FKBP9: variants seen among roughly 807,000 people sequenced by gnomAD.
FKBP9 encodes FKBP prolyl isomerase 9.
A neutral mutation model predicts 55.6 loss-of-function variants in FKBP9; 27 were observed. The observed-to-expected ratio is 0.49, with a 90% CI of 0.36 to 0.67. FKBP9 has a LOEUF of 0.67. FKBP9 is among the 30% of genes least tolerant of loss of function. FKBP9 has a pLI of 0.00. For missense variants in FKBP9, 539 were observed against 742.8 expected (o/e 0.73, Z 3.19); for synonymous variants, 267 against 296.5 (o/e 0.90, Z 1.02).
Position 32,976,481 on chromosome 7 carries a change from T to C in FKBP9, c.685T>C (p.Tyr229His). ...CATCACCATTCCTCCTTTTCTGGCC[T>C]ATGGAGAGGATGGAGATGGTAAGTC... ...RIITIPPFLA[Y>H]GEDGDGKDIP... Residue 229 changes from tyrosine to histidine, a missense_variant, in exon 4 of 10, where the codon TAT becomes CAT. Physicochemically the swap from Tyr to His is moderately conservative, Grantham distance 83. This residue lies in a region of FKBP9 where 29 missense variants were observed against 65.3 expected (regional missense o/e 0.44). Transcript: ENST00000242209. 1 of 1,608,972 alleles carries C rather than the reference T, an allele frequency of 6.2e-7. No individual in the cohort carries two copies. The highest frequency in any genetic ancestry group is 1.1e-5 in the South Asian group (1 of 90,392).
intron 7 of FKBP9, among the ~76,000 whole-genome samples, chr7:32,996,864 G>A (rs1162482187): frequency 1.3e-4 from 16 of 125,560 alleles, no homozygotes; most frequent in African/African-American, 5.0e-4. Context: ...GCGCAATCTT[G>A]GCTCACTGCA....
At position 32,977,324 on chromosome 7, in the gene FKBP9, T is replaced by C. The variant is rs1784379742; in HGVS notation, c.703+825T>C. Among the ~76,000 whole-genome samples, 3 of 152,316 alleles carry C rather than the reference T, an allele frequency of 2.0e-5. No homozygotes were observed. In the South Asian group the frequency reaches 6.2e-4, roughly 32 times the overall value. ...ATGGGGATATGTTCTGAGAAAGGCA[T>C]CATTAGGCAATTGCATTGTTGTGCA... On this transcript the variant is annotated intron_variant, in intron 4 of 9. Transcript: ENST00000242209.
At chr7:32,978,413 G>A (rs1436287078) in intron 4 of FKBP9, among the ~76,000 whole-genome samples, 2 of 152,028 alleles carry the variant, frequency 1.3e-5, no homozygotes, top group Admixed American at 1.3e-4. Context: ...CTGTCACCCA[G>A]ACTGGAGTGA....
intron 5 of FKBP9, 54 bp downstream of exon 5, chr7:32,980,607 T>G: frequency 6.3e-7 from 1 of 1,582,006 alleles, no homozygotes; most frequent in African/African-American, 1.3e-5. Flanking sequence ...AAATAAAGTC[T>G]GCCATTGGCT....
intron 4 of FKBP9, chr7:32,979,529 G>A (rs1356115279): frequency 7.7e-6 from 12 of 1,550,416 alleles, no homozygotes; most frequent in Middle Eastern, 1.7e-4. Context: ...CAGGCTTGGC[G>A]GCATCTGGTT....
chr7:32,979,695 A>G lies in FKBP9; in HGVS notation c.704-669A>G, dbSNP rs549930679. The G allele has an allele frequency of 1.3e-4, 107 of 801,768 alleles. 2 individuals are homozygous for G. In the South Asian group the frequency reaches 1.5e-3, roughly 11 times the overall value. 49.7% of individuals were successfully genotyped at this position (801,768 alleles called of 1,614,324 possible). A position where few individuals can be genotyped will look rare whatever the true frequency, so the allele number is the denominator to read the frequency against. On this transcript the variant is annotated intron_variant, in intron 4 of 9. Coordinates refer to ENST00000242209, the MANE Select transcript of FKBP9 (RefSeq NM_007270.5). Reference sequence around the variant, plus strand: ...TTGCAGGAAGAACTAGTGTCCTGTAATCTCTTCATGTGGATTTCATTTTGC... The same window carrying G: ...TTGCAGGAAGAACTAGTGTCCTGTAGTCTCTTCATGTGGATTTCATTTTGC...
At chr7:32,995,279 A>G (rs2953594) in intron 6 of FKBP9, among the ~76,000 whole-genome samples, 3 of 152,282 alleles carry the variant, frequency 2.0e-5, no homozygotes, top group Middle Eastern at 3.4e-3. Flanking sequence ...GTTTTTTTAT[A>G]TGTAAAATGC....
intron 1 of FKBP9, among the ~76,000 whole-genome samples, chr7:32,961,427 AT>A (rs1217724705): frequency 1.3e-5 from 2 of 152,174 alleles, no homozygotes; most frequent in African/African-American, 4.8e-5. Flanking sequence ...GGGCCTAGGA[AT>A]TTGCTTTTCT....
At chr7:32,959,109 A>G (rs980548919) in intron 1 of FKBP9, among the ~76,000 whole-genome samples, 2 of 152,040 alleles carry the variant, frequency 1.3e-5, no homozygotes, top group Non-Finnish European at 2.9e-5. Context: ...GTTACTTTAA[A>G]AAAAAAAAAC....
intron 9 of FKBP9, among the ~76,000 whole-genome samples, chr7:33,004,244 T>C (rs1384882600): frequency 2.6e-5 from 4 of 152,148 alleles, no homozygotes; most frequent in Non-Finnish European, 5.9e-5. Flanking sequence ...GTGGTGTTCA[T>C]GAAGCTCCTC....
At chr7:32,973,610 C>T (rs1784293784) in intron 1 of FKBP9, among the ~76,000 whole-genome samples, 1 of 136,540 alleles carries the variant, frequency 7.3e-6, no homozygotes, top group African/African-American at 2.9e-5. Context: ...TGTGTGTTAA[C>T]TTTGGCCATT....
chr7:32,992,260 G>T (rs397839693), intron 6 of FKBP9, among the ~76,000 whole-genome samples: 2 of 25,554 alleles, frequency 7.8e-5, no homozygotes, highest in African/African-American at 2.9e-4. Context: ...ACCCACCCCC[G>T]CAGAGGAAAC....
chr7:32,961,857 C>G (rs1784031549), intron 1 of FKBP9, among the ~76,000 whole-genome samples: 3 of 151,910 alleles, frequency 2.0e-5, no homozygotes, highest in Admixed American at 6.6e-5. Context: ...CCCATCACCC[C>G]TAGATGGGAC....
chr7:32,976,734 T>C (rs1233595438), intron 4 of FKBP9, among the ~76,000 whole-genome samples: 2 of 152,212 alleles, frequency 1.3e-5, no homozygotes, highest in East Asian at 1.9e-4. Context: ...AGGACCACCA[T>C]AGTGGACAGT....
intron 4 of FKBP9, among the ~76,000 whole-genome samples, chr7:32,979,193 C>T (rs1265790457): frequency 1.3e-5 from 2 of 151,932 alleles, no homozygotes; most frequent in Non-Finnish European, 2.9e-5. Flanking sequence ...CGCTTGAACC[C>T]AGGAGGCGAA....
chr7:32,967,501 C>G (rs1257832627), intron 1 of FKBP9, among the ~76,000 whole-genome samples: 1 of 152,176 alleles, frequency 6.6e-6, no homozygotes, highest in African/African-American at 2.4e-5. Context: ...CTGTGACTGG[C>G]TTATTTCATT....
chr7:32,996,107 C>A, intron 6 of FKBP9, 56 bp from the exon 7 acceptor site: 1 of 1,539,648 alleles, frequency 6.5e-7, no homozygotes, highest in South Asian at 1.2e-5. Context: ...ACTGGGGAGG[C>A]CCATGTGCTG....
chr7:32,989,370 A>G, intron 6 of FKBP9, among the ~76,000 whole-genome samples: 1 of 152,166 alleles, frequency 6.6e-6, no homozygotes. Context: ...AATACAGTTA[A>G]GCAAAGAAAT....
rs367632817 is a variant in FKBP9, at chr7:32,975,420, T to G, written c.557+49T>G. ...TATCAGTGAAATGTCCCATGCATAG[T>G]TCTTTCCTTCTGTCTTACTTGCTTT... On this transcript the variant is annotated intron_variant, in intron 3 of 9. Transcript: ENST00000242209. 3 of 1,480,922 alleles carry G rather than the reference T, an allele frequency of 2.0e-6. No individual in the cohort carries two copies. In the African/African-American group the frequency reaches 4.1e-5, roughly 20 times the overall value. 91.7% of individuals were successfully genotyped at this position (1,480,922 alleles called of 1,614,324 possible). A position where few individuals can be genotyped will look rare whatever the true frequency, so the allele number is the denominator to read the frequency against.
Sources: gnomAD v4.1 joint callset for allele counts (sites outside exome capture counted in the v4.1 genomes callset) on GRCh38, gnomAD v4.1.1 for gene constraint, gnomAD v4.1.1 regional missense constraint, MANE v1.5 for transcripts, NCBI Gene and HGNC (gene_info 2026-07-23, HGNC 2026-07-21) for gene names.